The following PGLYRP1 variants were observed in gnomAD, a reference collection of about 807,000 sequenced individuals.
PGLYRP1 encodes the protein peptidoglycan recognition protein 1, also known as TNF superfamily, member 3 (LTB)-like (peptidoglycan recognition protein).
A neutral mutation model predicts 16.3 loss-of-function variants in PGLYRP1; 18 were observed. The observed-to-expected ratio is 1.11, with a 90% CI of 0.77 to 1.64. PGLYRP1 has a LOEUF of 1.64. Among genes scored for constraint, PGLYRP1 ranks in the 40% most tolerant of loss-of-function variants. The pLI is 0.00. For missense variants in PGLYRP1, 261 were observed against 268.6 expected, an observed-to-expected ratio of 0.97 and a Z score of 0.20; for synonymous variants, 89 against 105.7, an observed-to-expected ratio of 0.84 and a Z score of 0.97.
rs921504990 is a variant in PGLYRP1 at position 46,019,927 on chromosome 19, G to A, written c.288-280C>T. On this transcript the variant is annotated intron_variant, in intron 1 of 2. Transcript: ENST00000008938. The surrounding 1 kb of genome is among the most constrained non-coding windows in gnomAD (Gnocchi z 4.8). ...CGTTTTATATAGACAGAATCAGAGC[G>A]GTAGAATCACCTGCCCCGGGGTCAC... 2.0e-5 allele frequency among the ~76,000 whole-genome samples: 3 copies of A among 152,092 alleles called. No individual in the cohort carries two copies. Among genetic ancestry groups the A allele is most frequent in the South Asian group, 2.1e-4 (1 of 4,824 alleles).
chr19:46,020,895 T>G (rs1432027829), intron 1 of PGLYRP1, among the ~76,000 whole-genome samples: 2 of 152,154 alleles, frequency 1.3e-5, no homozygotes, highest in Non-Finnish European at 2.9e-5. Flanking sequence ...TGGCTGGTTA[T>G]GGCCCTGCTG....
At chr19:46,020,564 A>G (rs1969034119) in intron 1 of PGLYRP1, among the ~76,000 whole-genome samples, 2 of 152,242 alleles carry the variant, frequency 1.3e-5, no homozygotes, top group South Asian at 4.2e-4. Flanking sequence ...GGGGGACAGG[A>G]TCACAGACTC....
chr19:46,021,076 T>A (rs1969039575), intron 1 of PGLYRP1: 1 of 152,222 alleles, frequency 6.6e-6, no homozygotes, highest in Admixed American at 6.5e-5. Context: ...GAAGCCCCAT[T>A]TACAGGTGAA....
Position 46,019,374 on chromosome 19 carries a change from A to T in PGLYRP1, c.455T>A (p.Leu152Gln). ...PQAIRAAQGLLACGVAQGALR... is the reference protein window; with the variant it reads ...PQAIRAAQGLQACGVAQGALR... ...GGCTCCCTGAGCCACACCGCAGGCC[A>T]GTAGACCCTGGGCTGCCCGGATGGC... Residue 152 changes from leucine to glutamine, a missense_variant, in exon 3 of 3, where the codon CTG (leucine) becomes CAG (glutamine). Physicochemically the swap from Leu to Gln is moderately radical, Grantham distance 113. Transcript: ENST00000008938. The surrounding 1 kb of genome is among the most constrained non-coding windows in gnomAD (Gnocchi z 4.8). The T allele has an allele frequency of 6.2e-7, 1 of 1,613,828 alleles. No homozygotes were observed. Among genetic ancestry groups the T allele is most frequent in the Non-Finnish European group, 8.5e-7 (1 of 1,179,942 alleles).
chr19:46,019,691 C>T lies in PGLYRP1; in HGVS notation c.288-44G>A, dbSNP rs1340516970. The T allele has an allele frequency of 6.3e-7, 1 of 1,589,334 alleles. No homozygotes were observed. Among genetic ancestry groups the T allele is most frequent in the Non-Finnish European group, 8.5e-7 (1 of 1,169,628 alleles). On this transcript the variant is annotated intron_variant, in intron 1 of 2. Coordinates refer to ENST00000008938, the MANE Select transcript of PGLYRP1 (RefSeq NM_005091.3). The surrounding 1 kb of genome is among the most constrained non-coding windows in gnomAD (Gnocchi z 4.8). The stretch of plus-strand genomic sequence containing the variant: ...GGGCTTGATGAGTGAGGGAGGGTTT[C>T]CCGAGGAGGACTCCTCCTCCTTCCT...
At position 46,019,240 on chromosome 19, in the gene PGLYRP1, A is replaced by C. The variant is rs1568700579; in HGVS notation, c.589T>G (p.Ter197GlyextTer26). Reference sequence around the variant, plus strand: ...ATGGGGTGCGGATCAGCAGGGCCTCAGGGGGAGCGGTAGTGTGGCCAATTC... The same window carrying C: ...ATGGGGTGCGGATCAGCAGGGCCTCCGGGGGAGCGGTAGTGTGGCCAATTC... ...IQNWPHYRSP[*>G] Residue 197 changes from the stop codon to glycine (G), a stop_lost, in exon 3 of 3, where the codon TGA (stop) becomes GGA (glycine). Coordinates refer to ENST00000008938, the MANE Select transcript of PGLYRP1 (RefSeq NM_005091.3). The surrounding 1 kb of genome is among the most constrained non-coding windows in gnomAD (Gnocchi z 4.8). The C allele has an allele frequency of 1.2e-6, 2 of 1,613,510 alleles. No homozygotes were observed. Among genetic ancestry groups the C allele is most frequent in the Non-Finnish European group, 1.7e-6 (2 of 1,179,670 alleles).
intron 1 of PGLYRP1, among the ~76,000 whole-genome samples, chr19:46,021,854 C>T (rs1028528702): frequency 1.3e-5 from 2 of 152,180 alleles, no homozygotes; most frequent in African/African-American, 4.8e-5. Flanking sequence ...CCACAGGACC[C>T]GCCCACTCAA....
Sources: allele counts gnomAD v4.1 joint callset (sites outside exome capture counted in the v4.1 genomes callset), GRCh38; gene constraint gnomAD v4.1.1; non-coding constraint Gnocchi (gnomAD v3.1); transcripts MANE v1.5; gene names NCBI Gene and HGNC (gene_info 2026-07-23, HGNC 2026-07-21).